PCCA: variants seen among roughly 807,000 people sequenced by gnomAD.
PCCA encodes propionyl-CoA carboxylase subunit alpha.
PCCA carries 74 observed loss-of-function variants against 101.3 expected under a neutral mutation model. The observed-to-expected ratio is 0.73, with a 90% CI of 0.61 to 0.89. The LOEUF is 0.89. Ranked by LOEUF, PCCA falls within the 40% of genes least tolerant of loss-of-function variation. The pLI is 0.00. For missense variants in PCCA, 891 were observed against 907.0 expected (o/e 0.98, Z 0.23); for synonymous variants, 294 against 313.6 (o/e 0.94, Z 0.66).
chr13:100,483,271 C>G (rs920573384), intron 21 of PCCA, among the ~76,000 whole-genome samples: 6 of 151,914 alleles, frequency 3.9e-5, no homozygotes, highest in Non-Finnish European at 8.8e-5. Context: ...AAAAAAGGAG[C>G]TGGGCTTAAT....
intron 18 of PCCA, among the ~76,000 whole-genome samples, chr13:100,368,001 G>A (rs557486213): frequency 1.4e-4 from 21 of 151,890 alleles, no homozygotes; most frequent in Non-Finnish European, 2.2e-4. Context: ...CCTAGCTAAT[G>A]TACTAAGATA....
intron 8 of PCCA, among the ~76,000 whole-genome samples, chr13:100,245,933 C>T (rs77390136): frequency 0.065 from 9,943 of 152,260 alleles, 441 homozygotes; most frequent in Non-Finnish European, 0.096. Flanking sequence ...ATGAAGGAAA[C>T]TGAGCCAAGG....
chr13:100,411,708 T>A (rs1347218343), intron 19 of PCCA, among the ~76,000 whole-genome samples: 1 of 152,128 alleles, frequency 6.6e-6, no homozygotes, highest in Non-Finnish European at 1.5e-5. Flanking sequence ...CACTTCCTGG[T>A]TTGCAGATGG....
At chr13:100,117,747 A>G (rs1402288707) in intron 4 of PCCA, among the ~76,000 whole-genome samples, 1 of 152,066 alleles carries the variant, frequency 6.6e-6, no homozygotes, top group Non-Finnish European at 1.5e-5. Flanking sequence ...CGTTGTGCAC[A>G]TGTACCCTAG....
At chr13:100,142,521 C>G (rs1229730112) in intron 4 of PCCA, among the ~76,000 whole-genome samples, 1 of 149,260 alleles carries the variant, frequency 6.7e-6, no homozygotes. Flanking sequence ...GTCTCCCAGG[C>G]TGGCGTGCAG....
intron 12 of PCCA, among the ~76,000 whole-genome samples, chr13:100,301,076 G>A (rs2066022158): frequency 1.3e-5 from 2 of 152,228 alleles, no homozygotes; most frequent in Non-Finnish European, 2.9e-5. Context: ...AGCTGCCCCT[G>A]TAGATGCCAC....
chr13:100,305,796 GAA>G (rs1299455054), intron 14 of PCCA: 1 of 446,554 alleles, frequency 2.2e-6, no homozygotes, highest in Admixed American at 2.6e-5. Flanking sequence ...TTTATGTCCT[GAA>G]ATATGTTTTC....
chr13:100,466,623 T>G (rs531402772), intron 21 of PCCA, among the ~76,000 whole-genome samples: 36 of 152,184 alleles, frequency 2.4e-4, no homozygotes, highest in African/African-American at 8.7e-4. Context: ...AGTGGATAGG[T>G]TCTAACAATT....
intron 21 of PCCA, among the ~76,000 whole-genome samples, chr13:100,465,180 C>G (rs1378013257): frequency 6.6e-6 from 1 of 152,100 alleles, no homozygotes; most frequent in African/African-American, 2.4e-5. Context: ...AGCTGACCCC[C>G]CATGTCTGAT....
At chr13:100,328,744 A>G (rs1247468478) in intron 16 of PCCA, among the ~76,000 whole-genome samples, 2 of 117,592 alleles carry the variant, frequency 1.7e-5, no homozygotes, top group Non-Finnish European at 3.2e-5. Flanking sequence ...CTGAGGTGGG[A>G]GTGCAGTGGT....
intron 19 of PCCA, among the ~76,000 whole-genome samples, chr13:100,412,271 AG>A (rs1424748365): frequency 6.6e-6 from 1 of 152,180 alleles, no homozygotes; most frequent in Non-Finnish European, 1.5e-5. Context: ...CACTAAGGAG[AG>A]GGTCCTTGTA....
chr13:100,331,497 T>C (rs2069566973), intron 17 of PCCA, among the ~76,000 whole-genome samples: 1 of 152,162 alleles, frequency 6.6e-6, no homozygotes, highest in Non-Finnish European at 1.5e-5. Context: ...GTTGATGTCG[T>C]TGAGTTGTTG....
At chr13:100,445,210 T>C (rs2080733823) in intron 20 of PCCA, among the ~76,000 whole-genome samples, 1 of 152,178 alleles carries the variant, frequency 6.6e-6, no homozygotes, top group Admixed American at 6.5e-5. Flanking sequence ...ATTAATCTAT[T>C]CATGAGGGAT....
intron 21 of PCCA, among the ~76,000 whole-genome samples, chr13:100,495,772 A>G (rs2085229584): frequency 1.3e-5 from 2 of 152,032 alleles, no homozygotes; most frequent in African/African-American, 4.8e-5. Context: ...TTAATCCTAC[A>G]CTTATTTTTT....
intron 21 of PCCA, chr13:100,490,880 A>G (rs974797306): frequency 6.6e-6 from 1 of 152,346 alleles, no homozygotes; most frequent in African/African-American, 2.4e-5. Flanking sequence ...GTGGTTTCAA[A>G]TGACCGAGGC....
chr13:100,306,683 A>C (rs2066480150), intron 14 of PCCA, among the ~76,000 whole-genome samples: 2 of 152,138 alleles, frequency 1.3e-5, no homozygotes, highest in South Asian at 2.1e-4. Context: ...CTGTGTAAAC[A>C]TGAAAGCCTC....
Position 100,487,868 on chromosome 13 carries a change from G to A in PCCA, c.1900-27559G>A, listed in dbSNP as rs965501332. Among the ~76,000 whole-genome samples, 4 of 151,162 alleles carry A rather than the reference G, an allele frequency of 2.6e-5. No individual in the cohort carries two copies. The South Asian group carries it at 6.4e-4, about 24-fold the overall frequency. On this transcript the variant is annotated intron_variant, in intron 21 of 23. Transcript: ENST00000376285. ...AGTTCACTAAGCAGCTGGGACTACC[G>A]AAGCACACCACCACAGCCTGCTAAT... is the stretch of plus-strand genomic sequence containing the variant.
At chr13:100,327,688 T>C (rs1196380653) in intron 16 of PCCA, among the ~76,000 whole-genome samples, 1 of 152,242 alleles carries the variant, frequency 6.6e-6, no homozygotes, top group Non-Finnish European at 1.5e-5. Context: ...GCCACCACAG[T>C]GTGACAATTC....
intron 12 of PCCA, among the ~76,000 whole-genome samples, chr13:100,282,064 T>A (rs960611091): frequency 2.0e-5 from 3 of 152,242 alleles, no homozygotes; most frequent in African/African-American, 7.2e-5. Context: ...TTATCATGAA[T>A]TTTTCTTTAT....
Sources: allele counts gnomAD v4.1 joint callset (sites outside exome capture counted in the v4.1 genomes callset), GRCh38; gene constraint gnomAD v4.1.1; transcripts MANE v1.5; gene names NCBI Gene and HGNC (gene_info 2026-07-23, HGNC 2026-07-21).